NTN1: variants seen among roughly 807,000 people sequenced by gnomAD.
NTN1 encodes the protein netrin-1.
Under a neutral mutation model 54.2 loss-of-function variants are expected in NTN1, and 11 were observed. The observed-to-expected ratio is 0.20, with a 90% CI of 0.13 to 0.34. The LOEUF (loss-of-function observed/expected upper bound fraction) is 0.34. Ranked by LOEUF, NTN1 falls within the 10% of genes least tolerant of loss-of-function variation. NTN1 has a pLI of 1.00. For synonymous variants in NTN1, 371 were observed against 382.0 expected (o/e 0.97, Z 0.33); for missense variants, 740 against 893.1 (o/e 0.83, Z 2.18).
intron 2 of NTN1, among the ~76,000 whole-genome samples, chr17:9,083,851 G>C (rs933445228): frequency 6.6e-6 from 1 of 152,180 alleles, no homozygotes; most frequent in African/African-American, 2.4e-5. Context: ...TTTTCTGTTA[G>C]TTAGCACAGA....
At chr17:9,140,906 TTAAAAG>T (rs1385660093) in intron 2 of NTN1, among the ~76,000 whole-genome samples, 2 of 152,010 alleles carry the variant, frequency 1.3e-5, no homozygotes, top group African/African-American at 4.8e-5. Context: ...TGGGAGAGAA[TTAAAAG>T]TAAGAGCACT....
chr17:9,179,790 T>C lies in NTN1; in HGVS notation c.1208-17T>C. 6.2e-7 allele frequency: 1 copy of C among 1,611,216 alleles called. No individual in the cohort carries two copies. Among genetic ancestry groups the C allele is most frequent in the Non-Finnish European group, 8.5e-7 (1 of 1,178,664 alleles). ...GCTTCCCCCTTGTCTGACCCTCCCA[T>C]TTTGTGTTCTCTGCAGCCTGTGATT... On this transcript the variant is annotated splice_polypyrimidine_tract_variant and intron_variant, in intron 3 of 6. Coordinates refer to ENST00000173229, the MANE Select transcript of NTN1 (RefSeq NM_004822.3).
intron 6 of NTN1, among the ~76,000 whole-genome samples, chr17:9,233,960 GCCTGC>G (rs1368872950): frequency 6.6e-6 from 1 of 152,182 alleles, no homozygotes; most frequent in Non-Finnish European, 1.5e-5. Context: ...AAGGCACCCA[GCCTGC>G]CCTGGGCCTG....
chr17:9,080,613 T>A (rs1289417452), intron 2 of NTN1, among the ~76,000 whole-genome samples: 1 of 152,222 alleles, frequency 6.6e-6, no homozygotes, highest in Non-Finnish European at 1.5e-5. Flanking sequence ...GCTGGCAGCC[T>A]CCAGGTAGCT....
At chr17:9,062,375 G>A (rs563194176) in intron 2 of NTN1, among the ~76,000 whole-genome samples, 2 of 152,310 alleles carry the variant, frequency 1.3e-5, no homozygotes, top group South Asian at 2.1e-4. Flanking sequence ...GGAGCAGCAT[G>A]CTTGAACTTA....
chr17:9,056,311 C>T (rs2091979293), intron 2 of NTN1, among the ~76,000 whole-genome samples: 1 of 152,222 alleles, frequency 6.6e-6, no homozygotes. Flanking sequence ...CCTGCCTTGG[C>T]CTCCCAAAGT....
intron 2 of NTN1, among the ~76,000 whole-genome samples, chr17:9,115,930 A>G (rs1047996853): frequency 3.3e-5 from 5 of 152,268 alleles, no homozygotes; most frequent in Admixed American, 2.6e-4. Flanking sequence ...TTTTCCTCCC[A>G]TAAACAAAAC....
At chr17:9,234,935 G>GT (rs1428729951) in intron 6 of NTN1, among the ~76,000 whole-genome samples, 2 of 150,848 alleles carry the variant, frequency 1.3e-5, no homozygotes, top group African/African-American at 4.9e-5. Flanking sequence ...TAATTTGTTG[G>GT]GTTTTTTTTG....
chr17:9,093,305 T>G (rs977416784), intron 2 of NTN1, among the ~76,000 whole-genome samples: 1 of 152,268 alleles, frequency 6.6e-6, no homozygotes, highest in Non-Finnish European at 1.5e-5. Flanking sequence ...CCAAGCTTTG[T>G]TGAGTAAGCT....
At chr17:9,172,348 T>C (rs945633557) in intron 3 of NTN1, among the ~76,000 whole-genome samples, 21 of 152,022 alleles carry the variant, frequency 1.4e-4, no homozygotes, top group Non-Finnish European at 2.4e-4. Context: ...GGCGTGGTGG[T>C]GGGTGCCTGT....
chr17:9,081,615 A>G (rs2092071431), intron 2 of NTN1, among the ~76,000 whole-genome samples: 1 of 152,210 alleles, frequency 6.6e-6, no homozygotes, highest in Non-Finnish European at 1.5e-5. Context: ...ACAACAGGTT[A>G]ACGAGGAAGC....
At chr17:9,085,326 C>T (rs2092086760) in intron 2 of NTN1, among the ~76,000 whole-genome samples, 1 of 152,204 alleles carries the variant, frequency 6.6e-6, no homozygotes, top group East Asian at 1.9e-4. Flanking sequence ...GTCTTCATTC[C>T]AGCCTGCTGG....
intron 2 of NTN1, among the ~76,000 whole-genome samples, chr17:9,061,131 T>C (rs1266376101): frequency 6.6e-6 from 1 of 152,106 alleles, no homozygotes; most frequent in East Asian, 1.9e-4. Flanking sequence ...TCTTTTGTAG[T>C]GATAGAGCAT....
chr17:9,220,056 C>T (rs993723071), intron 5 of NTN1, among the ~76,000 whole-genome samples: 3 of 152,216 alleles, frequency 2.0e-5, no homozygotes, highest in African/African-American at 7.2e-5. Flanking sequence ...AAATACAGGG[C>T]ATTCCTCATC....
At chr17:9,037,832 C>T (rs541510516) in intron 2 of NTN1, among the ~76,000 whole-genome samples, 149 of 152,326 alleles carry the variant, frequency 9.8e-4, no homozygotes, top group Non-Finnish European at 5.1e-4. Context: ...CCCTCAGCCT[C>T]CCTGGTCTCT....
chr17:9,156,720 C>T (rs932273875), intron 2 of NTN1, among the ~76,000 whole-genome samples: 1 of 152,156 alleles, frequency 6.6e-6, no homozygotes, highest in Non-Finnish European at 1.5e-5. Context: ...GCACAGCAGT[C>T]TACTTGAGCA....
At chr17:9,129,078 C>T (rs1233738004) in intron 2 of NTN1, among the ~76,000 whole-genome samples, 3 of 152,156 alleles carry the variant, frequency 2.0e-5, no homozygotes, top group Admixed American at 6.5e-5. Flanking sequence ...TCCAAGGCAG[C>T]GCTCACTTTC....
chr17:9,058,637 C>CAAAAAAAA (rs3053457), intron 2 of NTN1, among the ~76,000 whole-genome samples: 26 of 58,890 alleles, frequency 4.4e-4, no homozygotes, highest in African/African-American at 5.1e-4. Context: ...GGTAGGCACT[C>CAAAAAAAA]AAAAAAAAAA....
chr17:9,039,066 A>G (rs939978907), intron 2 of NTN1, among the ~76,000 whole-genome samples: 16 of 152,226 alleles, frequency 1.1e-4, no homozygotes, highest in African/African-American at 2.4e-5. Context: ...TAAGTATTAT[A>G]TAAACTTGGA....
Sources: allele counts gnomAD v4.1 joint callset (sites outside exome capture counted in the v4.1 genomes callset), GRCh38; gene constraint gnomAD v4.1.1; transcripts MANE v1.5; gene names NCBI Gene and HGNC (gene_info 2026-07-23, HGNC 2026-07-21).